Variants in LHFPL3 observed in about 807,000 individuals in gnomAD.
The protein encoded by LHFPL3 is LHFPL tetraspan subfamily member 3 protein.
In LHFPL3, 5 loss-of-function variants were observed where a neutral mutation model predicts 19.3. The observed-to-expected ratio is 0.26, with a 90% CI of 0.14 to 0.54. LHFPL3 has a LOEUF of 0.54. Among genes scored for constraint, LHFPL3 ranks in the 20% least tolerant of loss-of-function variants. The pLI, the probability that LHFPL3 is intolerant of heterozygous loss-of-function variation, is 0.94. For missense variants in LHFPL3, 249 were observed against 307.4 expected, an observed-to-expected ratio of 0.81 and a Z score of 1.42; for synonymous variants, 133 against 126.2, an observed-to-expected ratio of 1.05 and a Z score of -0.36.
chr7:104,727,835 A>G (rs1289780986), intron 1 of LHFPL3, among the ~76,000 whole-genome samples: 1 of 152,124 alleles, frequency 6.6e-6, no homozygotes, highest in African/African-American at 2.4e-5. Context: ...ATACCTGACT[A>G]AGGTACCTTT....
In LHFPL3 at chr7:104,807,907, A is replaced by G. The variant is rs532238883; in HGVS notation, c.682+70996A>G. On this transcript the variant is annotated intron_variant, in intron 2 of 2. Transcript: ENST00000424859. ...ACAACTGGTCGTTAATCACAGATGG[A>G]CATTCTTTAGAAGAAATCATAGTTC... Among the ~76,000 whole-genome samples the G allele has an allele frequency of 2.0e-5, 3 of 152,360 alleles. 1 individual carries two copies. Among genetic ancestry groups the G allele is most frequent in the African/African-American group, 7.2e-5 (3 of 41,592 alleles).
intron 1 of LHFPL3, among the ~76,000 whole-genome samples, chr7:104,661,361 G>T (rs1220826597): frequency 6.6e-6 from 1 of 152,154 alleles, no homozygotes; most frequent in Non-Finnish European, 1.5e-5. Context: ...ATCCAGGGCA[G>T]TATTACTAAA....
chr7:104,802,491 CAAA>C (rs920866759), intron 2 of LHFPL3, among the ~76,000 whole-genome samples: 1 of 65,498 alleles, frequency 1.5e-5, no homozygotes. Context: ...AACCCTATCT[CAAA>C]AAAAAAAAAA....
intron 2 of LHFPL3, among the ~76,000 whole-genome samples, chr7:104,769,559 T>A (rs375328698): frequency 2.0e-5 from 3 of 152,136 alleles, no homozygotes; most frequent in African/African-American, 7.2e-5. Flanking sequence ...GCTGCACCCA[T>A]CAACCCGTCA....
intron 1 of LHFPL3, among the ~76,000 whole-genome samples, chr7:104,608,358 A>T (rs1434741481): frequency 3.9e-5 from 6 of 151,934 alleles, no homozygotes; most frequent in Middle Eastern, 3.2e-3. Flanking sequence ...GACATGGATG[A>T]AATTGGAAAT....
chr7:104,478,595 C>T (rs1316488750), intron 1 of LHFPL3, among the ~76,000 whole-genome samples: 2 of 152,142 alleles, frequency 1.3e-5, no homozygotes, highest in Admixed American at 6.5e-5. Flanking sequence ...TCTGCTTATA[C>T]CATCCATGTC....
intron 1 of LHFPL3, among the ~76,000 whole-genome samples, chr7:104,601,976 A>G (rs191768042): frequency 2.2e-4 from 34 of 151,750 alleles, no homozygotes; most frequent in African/African-American, 7.3e-4. Context: ...TCTCCTTCAA[A>G]ACACACAAAT....
intron 1 of LHFPL3, among the ~76,000 whole-genome samples, chr7:104,443,968 G>T (rs533021863): frequency 6.6e-6 from 1 of 152,348 alleles, no homozygotes; most frequent in East Asian, 1.9e-4. Flanking sequence ...AACTAATGCA[G>T]TATTCATTTC....
At chr7:104,817,015 G>T (rs1231336695) in intron 2 of LHFPL3, among the ~76,000 whole-genome samples, 1 of 152,168 alleles carries the variant, frequency 6.6e-6, no homozygotes, top group South Asian at 2.1e-4. Context: ...AACCTTCTTT[G>T]CTTCTCCCCC....
At chr7:104,549,028 A>G (rs1187388297) in intron 1 of LHFPL3, among the ~76,000 whole-genome samples, 2 of 152,346 alleles carry the variant, frequency 1.3e-5, no homozygotes, top group East Asian at 1.9e-4. Context: ...TGAAGAATCC[A>G]GTAATTGGAC....
In LHFPL3 at chr7:104,699,204, A is replaced by G. The variant is rs561927105; in HGVS notation, c.446-37471A>G. On this transcript the variant is annotated intron_variant, in intron 1 of 2. Coordinates refer to ENST00000424859, the MANE Select transcript of LHFPL3 (RefSeq NM_199000.3). ...ACACTTCTGGGTATGTATCCAAAAGAAGTGAAAGTAGGGACTTGAGCATCC... is the reference window on the plus strand; with the variant it reads ...ACACTTCTGGGTATGTATCCAAAAGGAGTGAAAGTAGGGACTTGAGCATCC... Among the ~76,000 whole-genome samples, 3 of 152,344 alleles carry G rather than the reference A, an allele frequency of 2.0e-5. No homozygotes were observed. In the South Asian group the frequency reaches 6.2e-4, roughly 32 times the overall value.
At chr7:104,720,713 A>G (rs1276660729) in intron 1 of LHFPL3, among the ~76,000 whole-genome samples, 1 of 152,172 alleles carries the variant, frequency 6.6e-6, no homozygotes, top group African/African-American at 2.4e-5. Context: ...ACACCCCATC[A>G]AAAAGTGGGC....
intron 1 of LHFPL3, among the ~76,000 whole-genome samples, chr7:104,470,209 A>G (rs6949602): frequency 0.37 from 55,827 of 152,048 alleles, 10,615 homozygotes; most frequent in Middle Eastern, 0.43. Flanking sequence ...AAATGGAAAA[A>G]AATGATCAGT....
chr7:104,852,859 T>C (rs924292743), intron 2 of LHFPL3, among the ~76,000 whole-genome samples: 10 of 146,216 alleles, frequency 6.8e-5, no homozygotes, highest in African/African-American at 2.5e-4. Context: ...CTCCACCCTC[T>C]TCCCAGTCCC....
At chr7:104,382,579 C>T (rs59348908) in intron 1 of LHFPL3, among the ~76,000 whole-genome samples, 6,819 of 152,244 alleles carry the variant, frequency 0.045, 514 homozygotes, top group African/African-American at 0.16. Flanking sequence ...TTTAATTGTT[C>T]TAGAATGTGG....
intron 1 of LHFPL3, among the ~76,000 whole-genome samples, chr7:104,583,139 C>G (rs112286545): frequency 1.1e-3 from 163 of 152,036 alleles, no homozygotes; most frequent in African/African-American, 3.9e-3. Context: ...CAGAACAGAG[C>G]CCTCAGAAAT....
intron 1 of LHFPL3, among the ~76,000 whole-genome samples, chr7:104,694,136 T>G (rs1022704072): frequency 6.6e-6 from 1 of 152,204 alleles, no homozygotes; most frequent in African/African-American, 2.4e-5. Context: ...TGTTCTAGAA[T>G]TTATCACCAT....
chr7:104,637,586 A>G (rs1791750919), intron 1 of LHFPL3, among the ~76,000 whole-genome samples: 1 of 152,038 alleles, frequency 6.6e-6, no homozygotes, highest in South Asian at 2.1e-4. Context: ...TTCAGTTTCA[A>G]TCCTCTGCAT....
intron 2 of LHFPL3, among the ~76,000 whole-genome samples, chr7:104,770,981 C>T (rs925165507): frequency 1.3e-5 from 2 of 152,204 alleles, no homozygotes; most frequent in Non-Finnish European, 2.9e-5. Flanking sequence ...CCGCAAGCCC[C>T]TAGTCCAGTG....
Sources: allele counts gnomAD v4.1 joint callset (sites outside exome capture counted in the v4.1 genomes callset), GRCh38; gene constraint gnomAD v4.1.1; transcripts MANE v1.5; gene names NCBI Gene and HGNC (gene_info 2026-07-23, HGNC 2026-07-21).